GREB1L: variants seen among roughly 807,000 people sequenced by gnomAD.
GREB1L encodes the protein GREB1 like retinoic acid receptor coactivator, also known as GREB1-like protein.
In GREB1L, 17 loss-of-function variants were observed where a neutral mutation model predicts 200.8. The observed-to-expected ratio is 0.08, with a 90% confidence interval of 0.06 to 0.13. GREB1L has a LOEUF of 0.13. GREB1L is among the 10% of genes least tolerant of loss of function. The pLI, the probability that GREB1L is intolerant of heterozygous loss-of-function variation, is 1.00. For missense variants in GREB1L, 1,657 were observed against 2,367.7 expected (o/e 0.70, Z 6.23); for synonymous variants, 789 against 893.0 (o/e 0.88, Z 2.08).
At chr18:21,389,373 T>G (rs1435348216) in intron 4 of GREB1L, among the ~76,000 whole-genome samples, 4 of 140,064 alleles carry the variant, frequency 2.9e-5, no homozygotes, top group Non-Finnish European at 6.0e-5. Context: ...AATTTTCTCT[T>G]TTCACGGGCA....
At chr18:21,509,069 C>CTA (rs1252150270) in intron 27 of GREB1L, among the ~76,000 whole-genome samples, 2 of 152,218 alleles carry the variant, frequency 1.3e-5, no homozygotes, top group African/African-American at 4.8e-5. Flanking sequence ...TCGTTACTGC[C>CTA]TATGACACAG....
At chr18:21,354,912 C>T (rs538227672) in intron 1 of GREB1L, among the ~76,000 whole-genome samples, 18 of 151,986 alleles carry the variant, frequency 1.2e-4, no homozygotes, top group Non-Finnish European at 2.1e-4. Flanking sequence ...TGTAAAATCT[C>T]GAAGGCTTTT....
intron 15 of GREB1L, among the ~76,000 whole-genome samples, chr18:21,459,125 A>G (rs2034913138): frequency 1.3e-5 from 2 of 152,132 alleles, no homozygotes; most frequent in Non-Finnish European, 2.9e-5. Flanking sequence ...ATGCATGATT[A>G]TAACAAAGCC....
chr18:21,463,044 A>G (rs1307542640), intron 15 of GREB1L, among the ~76,000 whole-genome samples: 1 of 151,662 alleles, frequency 6.6e-6, no homozygotes, highest in Non-Finnish European at 1.5e-5. Flanking sequence ...TTTGAATTAG[A>G]ATGTTTGTTA....
chr18:21,445,203 G>T (rs1202809349), intron 11 of GREB1L, among the ~76,000 whole-genome samples: 1 of 152,324 alleles, frequency 6.6e-6, no homozygotes, highest in Admixed American at 6.5e-5. Context: ...GGCCGGGCAC[G>T]GTGGCTCACG....
intron 4 of GREB1L, among the ~76,000 whole-genome samples, chr18:21,386,652 C>T (rs1453954796): frequency 1.3e-5 from 2 of 149,672 alleles, no homozygotes; most frequent in African/African-American, 5.0e-5. Context: ...TACAGGCGCC[C>T]GCTAACATGC....
intron 1 of GREB1L, among the ~76,000 whole-genome samples, chr18:21,269,757 A>G (rs555731912): frequency 1.3e-5 from 2 of 152,246 alleles, no homozygotes; most frequent in African/African-American, 4.8e-5. Context: ...TTTAGTAAAA[A>G]CTCAGTTGTA....
intron 6 of GREB1L, chr18:21,401,812 GAACTT>G (rs2041328985): frequency 6.6e-6 from 1 of 152,274 alleles, no homozygotes; most frequent in Non-Finnish European, 1.5e-5. Context: ...AAATTAGGAA[GAACTT>G]AACTTATTTA....
At chr18:21,395,105 CA>C (rs372663303) in intron 4 of GREB1L, among the ~76,000 whole-genome samples, 20,856 of 63,656 alleles carry the variant, frequency 0.33, 1,518 homozygotes, top group East Asian at 0.47. Flanking sequence ...GACTCCATCT[CA>C]AAAAAAAAAA....
intron 18 of GREB1L, 49 bp downstream of exon 18, chr18:21,485,802 G>A: frequency 6.5e-7 from 1 of 1,530,724 alleles, no homozygotes. Context: ...TGTACTTGCA[G>A]ATCTAAAATA....
chr18:21,446,868 CT>C (rs1348315115), intron 11 of GREB1L, among the ~76,000 whole-genome samples: 2 of 152,176 alleles, frequency 1.3e-5, no homozygotes, highest in African/African-American at 4.8e-5. Context: ...ACTACAGTCA[CT>C]TTTAAAAAAT....
chr18:21,256,001 A>G (rs1224581842), intron 1 of GREB1L, among the ~76,000 whole-genome samples: 1 of 152,180 alleles, frequency 6.6e-6, no homozygotes, highest in Non-Finnish European at 1.5e-5. Flanking sequence ...GTATTTCTGT[A>G]ATTTTTTTTC....
At chr18:21,395,014 G>A (rs1352832033) in intron 4 of GREB1L, among the ~76,000 whole-genome samples, 1 of 148,176 alleles carries the variant, frequency 6.7e-6, no homozygotes, top group African/African-American at 2.5e-5. Context: ...GCTGAGGCAG[G>A]AGAATCACTT....
rs1399815895 is a variant in GREB1L at position 21,377,963 on chromosome 18, TCAAGCAATCCTACCTCAGCCCC to T, written c.-9-5543_-9-5522del. On this transcript the variant is annotated intron_variant, in intron 2 of 32. Transcript: ENST00000424526. The stretch of plus-strand genomic sequence containing the variant: ...TGTTGCTGGTCTCAAACTCCTGGCC[TCAAGCAATCCTACCTCAGCCCC>T]CAAAGTGATGAGATTACAGGTACAA... 2.0e-5 allele frequency among the ~76,000 whole-genome samples: 3 copies of T among 152,138 alleles called. No homozygotes were observed. In the East Asian group the frequency reaches 5.8e-4, roughly 29 times the overall value.
chr18:21,515,791 C>A, intron 29 of GREB1L, 147 bp downstream of exon 29: 1 of 651,900 alleles, frequency 1.5e-6, no homozygotes, highest in Non-Finnish European at 2.6e-6. Flanking sequence ...ATCACAAGCC[C>A]CAAAGTGTGC....
At position 21,346,658 on chromosome 18, in the gene GREB1L, C is replaced by A. The variant is rs149017121; in HGVS notation, c.-119-19369C>A. ...TCCTAATTAGGTTTACATTTGTCTG[C>A]AAATGACAGGAAACCTGAAACAGCA... On this transcript the variant is annotated intron_variant, in intron 1 of 32. Transcript: ENST00000424526. Among the ~76,000 whole-genome samples, 162 of 152,238 alleles carry A rather than the reference C, an allele frequency of 1.1e-3. No individual in the cohort carries two copies. The Middle Eastern group carries it at 0.014, about 13-fold the overall frequency.
chr18:21,260,807 T>C (rs1400938044), intron 1 of GREB1L, among the ~76,000 whole-genome samples: 1 of 151,980 alleles, frequency 6.6e-6, no homozygotes, highest in African/African-American at 2.4e-5. Flanking sequence ...TGCCATTGTG[T>C]GTGTTTCATT....
At chr18:21,480,680 G>C (rs1212691073) in intron 17 of GREB1L, among the ~76,000 whole-genome samples, 1 of 152,180 alleles carries the variant, frequency 6.6e-6, no homozygotes, top group Non-Finnish European at 1.5e-5. Context: ...ATATGATTGA[G>C]CACACTTGTG....
intron 7 of GREB1L, among the ~76,000 whole-genome samples, chr18:21,408,181 A>G (rs1409830609): frequency 6.6e-6 from 1 of 152,224 alleles, no homozygotes; most frequent in East Asian, 1.9e-4. Flanking sequence ...ATTTATCCTG[A>G]TTTAATCATT....
Sources: gnomAD v4.1 joint callset for allele counts (sites outside exome capture counted in the v4.1 genomes callset) on GRCh38, gnomAD v4.1.1 for gene constraint, MANE v1.5 for transcripts, NCBI Gene and HGNC (gene_info 2026-07-23, HGNC 2026-07-21) for gene names.